FUT9: variants seen among roughly 807,000 people sequenced by gnomAD.
FUT9 encodes fucosyltransferase 9.
A neutral mutation model predicts 29.7 loss-of-function variants in FUT9; 15 were observed. The observed-to-expected ratio is 0.51, with a 90% CI of 0.34 to 0.78. FUT9 has a LOEUF of 0.78. Ranked by LOEUF, FUT9 falls within the 30% of genes least tolerant of loss-of-function variation. FUT9 has a pLI of 0.01. For missense variants in FUT9, 319 were observed against 425.4 expected, an observed-to-expected ratio of 0.75 and a Z score of 2.20; for synonymous variants, 169 against 153.7, an observed-to-expected ratio of 1.10 and a Z score of -0.74.
intron 2 of FUT9, among the ~76,000 whole-genome samples, chr6:96,178,144 A>G (rs1317693842): frequency 6.6e-6 from 1 of 152,186 alleles, no homozygotes; most frequent in Non-Finnish European, 1.5e-5. Flanking sequence ...GGAAGCAGGA[A>G]AAAGATAGGA....
chr6:96,092,242 A>T (rs1771423398), intron 1 of FUT9, among the ~76,000 whole-genome samples: 1 of 152,178 alleles, frequency 6.6e-6, no homozygotes, highest in Non-Finnish European at 1.5e-5. Flanking sequence ...TTAGAGCTGT[A>T]TAAATCTTTA....
intron 2 of FUT9, among the ~76,000 whole-genome samples, chr6:96,196,870 C>A (rs1262963316): frequency 1.3e-5 from 2 of 152,018 alleles, no homozygotes; most frequent in Non-Finnish European, 1.5e-5. Flanking sequence ...TAAGGTAGGT[C>A]AGAAAATTTC....
chr6:96,095,605 G>A (rs888415455), intron 1 of FUT9, among the ~76,000 whole-genome samples: 1 of 152,098 alleles, frequency 6.6e-6, no homozygotes, highest in Non-Finnish European at 1.5e-5. Context: ...GTCATTTCTG[G>A]TTTGCTTTGT....
intron 2 of FUT9, among the ~76,000 whole-genome samples, chr6:96,164,628 A>G (rs1321045374): frequency 6.6e-6 from 1 of 152,174 alleles, no homozygotes; most frequent in African/African-American, 2.4e-5. Context: ...TGTCAGTCTT[A>G]AGATCGCAGT....
At chr6:96,094,913 C>T (rs1041339193) in intron 1 of FUT9, among the ~76,000 whole-genome samples, 4 of 152,002 alleles carry the variant, frequency 2.6e-5, no homozygotes, top group Middle Eastern at 3.4e-3. Flanking sequence ...AATTCTTTAG[C>T]GGTGATTTCT....
At chr6:96,089,450 T>C (rs1184663374) in intron 1 of FUT9, among the ~76,000 whole-genome samples, 3 of 152,314 alleles carry the variant, frequency 2.0e-5, no homozygotes, top group African/African-American at 7.2e-5. Context: ...TTGCATCTCC[T>C]TTCTCAAAGA....
At chr6:96,074,782 T>C (rs578089394) in intron 1 of FUT9, among the ~76,000 whole-genome samples, 20 of 152,202 alleles carry the variant, frequency 1.3e-4, no homozygotes, top group African/African-American at 4.6e-4. Flanking sequence ...AATTTAATTA[T>C]TGTTTTTTTT....
intron 1 of FUT9, among the ~76,000 whole-genome samples, chr6:96,091,421 G>A (rs750843401): frequency 4.6e-5 from 7 of 151,942 alleles, no homozygotes; most frequent in South Asian, 2.1e-4. Flanking sequence ...CAATAACAAC[G>A]CATGAATCTT....
chr6:96,146,773 A>C lies in FUT9; in HGVS notation c.-9+32646A>C, dbSNP rs72933948. 7.1e-3 allele frequency among the ~76,000 whole-genome samples: 1,084 copies of C among 152,310 alleles called. 11 individuals are homozygous for C. Among genetic ancestry groups the C allele is most frequent in the South Asian group, 0.021 (103 of 4,826 alleles). On this transcript the variant is annotated intron_variant, in intron 2 of 2. Transcript: ENST00000302103. The stretch of plus-strand genomic sequence containing the variant: ...ATTGTAAAATGGTAAAATGCAGTTT[A>C]AATTTATTTCAAAAGATGAATCCAG...
rs184629432 is a variant in FUT9 at position 96,214,659 on chromosome 6, G to C, written c.*10424G>C. The C allele has an allele frequency of 6.0e-6, 1 of 167,008 alleles. No homozygotes were observed. The highest frequency in any genetic ancestry group is 1.9e-4 in the East Asian group (1 of 5,188). The allele number at this position is 167,008 out of a possible 1,614,324, so 10.3% of individuals were successfully genotyped here. A position where few individuals can be genotyped will look rare whatever the true frequency, so the allele number is the denominator to read the frequency against. On this transcript the variant is annotated 3_prime_UTR_variant, in exon 3 of 3. Transcript: ENST00000302103. ...GGGCTTAATCCCAAACAGGTAATAT[G>C]TGTGGATCAATCATCTCTCCTCCCA...
chr6:96,134,613 T>C (rs1247822626), intron 2 of FUT9, among the ~76,000 whole-genome samples: 1 of 151,914 alleles, frequency 6.6e-6, no homozygotes, highest in African/African-American at 2.4e-5. Flanking sequence ...AAATTTTATA[T>C]ACACTATTTC....
At chr6:96,155,084 G>A (rs1304864308) in intron 2 of FUT9, among the ~76,000 whole-genome samples, 1 of 152,160 alleles carries the variant, frequency 6.6e-6, no homozygotes, top group Non-Finnish European at 1.5e-5. Context: ...CCAATCAGCA[G>A]AGCAAAGATT....
chr6:96,041,479 T>C (rs894493084), intron 1 of FUT9, among the ~76,000 whole-genome samples: 1 of 152,220 alleles, frequency 6.6e-6, no homozygotes, highest in African/African-American at 2.4e-5. Context: ...ATTTTATCTA[T>C]GGATTTCCTT....
intron 1 of FUT9, among the ~76,000 whole-genome samples, chr6:96,094,293 G>C (rs1293307272): frequency 6.6e-6 from 1 of 152,102 alleles, no homozygotes; most frequent in Non-Finnish European, 1.5e-5. Flanking sequence ...TTTGTAGCTA[G>C]CTGGCTTGGT....
Position 96,146,443 on chromosome 6 carries a change from T to A in FUT9, c.-9+32316T>A, listed in dbSNP as rs550841911. On this transcript the variant is annotated intron_variant, in intron 2 of 2. Transcript: ENST00000302103. ...CTAATTTAAACATAAAAATAAAAAA[T>A]GTTCAAACGACAAAGGAAAATCTGA... Among the ~76,000 whole-genome samples, 4 of 152,260 alleles carry A rather than the reference T, an allele frequency of 2.6e-5. No individual in the cohort carries two copies. In the South Asian group the frequency reaches 8.3e-4, roughly 32 times the overall value.
chr6:96,180,360 G>A (rs1773282835), intron 2 of FUT9, among the ~76,000 whole-genome samples: 1 of 152,238 alleles, frequency 6.6e-6, no homozygotes, highest in East Asian at 1.9e-4. Context: ...AGAGCCAGAT[G>A]TAGATCCATG....
intron 2 of FUT9, among the ~76,000 whole-genome samples, chr6:96,142,620 C>T (rs1772485168): frequency 6.6e-6 from 1 of 152,032 alleles, no homozygotes; most frequent in South Asian, 2.1e-4. Context: ...GTGTGTCCCA[C>T]CCCCACCTGA....
At chr6:96,118,980 CTG>C (rs1473178509) in intron 2 of FUT9, among the ~76,000 whole-genome samples, 2 of 152,074 alleles carry the variant, frequency 1.3e-5, no homozygotes, top group African/African-American at 2.4e-5. Flanking sequence ...GTGTTTTAAG[CTG>C]TGTTATTATG....
At chr6:96,128,117 A>G (rs1772167369) in intron 2 of FUT9, among the ~76,000 whole-genome samples, 1 of 152,130 alleles carries the variant, frequency 6.6e-6, no homozygotes, top group South Asian at 2.1e-4. Context: ...AACAAGCAAT[A>G]AACTTTTAAA....
Sources: allele counts gnomAD v4.1 joint callset (sites outside exome capture counted in the v4.1 genomes callset), GRCh38; gene constraint gnomAD v4.1.1; transcripts MANE v1.5; gene names NCBI Gene and HGNC (gene_info 2026-07-23, HGNC 2026-07-21).